CSMD3: variants seen among roughly 807,000 people sequenced by gnomAD.
CSMD3 encodes the protein CUB and Sushi multiple domains 3.
CSMD3 carries 177 observed loss-of-function variants against 435.2 expected under a neutral mutation model. That is an observed-to-expected ratio of 0.41 (90% confidence interval 0.36 to 0.46). The LOEUF (loss-of-function observed/expected upper bound fraction) is 0.46, where lower values mean the gene tolerates loss of function less well. CSMD3 is among the 20% of genes least tolerant of loss of function. The pLI is 0.34. For missense variants in CSMD3, 4,265 were observed against 4,504.6 expected (o/e 0.95, Z 1.52); for synonymous variants, 1,656 against 1,520.5 (o/e 1.09, Z -2.07).
chr8:112,697,974 G>A (rs1173626902), intron 13 of CSMD3, among the ~76,000 whole-genome samples: 1 of 152,066 alleles, frequency 6.6e-6, no homozygotes, highest in Admixed American at 6.6e-5. Flanking sequence ...AAGGTATAAA[G>A]CCTTTTTCTT....
intron 3 of CSMD3, among the ~76,000 whole-genome samples, chr8:113,231,840 C>G (rs1292785025): frequency 1.3e-5 from 2 of 151,354 alleles, no homozygotes; most frequent in Admixed American, 6.6e-5. Flanking sequence ...AGTGAATGAT[C>G]ATTTAGTCAT....
At chr8:112,587,026 TA>T (rs1232565117) in intron 23 of CSMD3, 39 bp downstream of exon 23, 2 of 1,467,638 alleles carry the variant, frequency 1.4e-6, no homozygotes, top group Non-Finnish European at 1.9e-6. Flanking sequence ...ATTTAATGAC[TA>T]AAAATGAACA....
At chr8:112,578,293 G>A (rs1368383959) in intron 23 of CSMD3, among the ~76,000 whole-genome samples, 1 of 151,936 alleles carries the variant, frequency 6.6e-6, no homozygotes, top group Non-Finnish European at 1.5e-5. Context: ...GAAGGAGAAG[G>A]GGCACAACGA....
At chr8:113,220,980 TAAAAGAGCAAGGA>T in intron 3 of CSMD3, among the ~76,000 whole-genome samples, 1 of 151,308 alleles carries the variant, frequency 6.6e-6, no homozygotes, top group Non-Finnish European at 1.5e-5. Flanking sequence ...TATATTCTTT[TAAAAGAGCAAGGA>T]ATAAGAGAAG....
intron 13 of CSMD3, among the ~76,000 whole-genome samples, chr8:112,747,392 A>C (rs1197841480): frequency 6.6e-6 from 1 of 151,288 alleles, no homozygotes; most frequent in East Asian, 1.9e-4. Context: ...CAATCCAACC[A>C]CTGTAAAAGG....
At position 112,363,659 on chromosome 8, in the gene CSMD3, T is replaced by C. The variant is rs1827477424; in HGVS notation, c.6137-11125A>G. Among the ~76,000 whole-genome samples the C allele has an allele frequency of 3.3e-5, 5 of 151,826 alleles. No individual in the cohort carries two copies. The South Asian group carries it at 8.3e-4, about 25-fold the overall frequency. ...AGAAACCTAGATTAGGCTAAAACTA[T>C]CTCTACGTCATCATCACAAAGGGGT... On this transcript the variant is annotated intron_variant, in intron 38 of 70. Coordinates refer to ENST00000297405, the MANE Select transcript of CSMD3 (RefSeq NM_198123.2).
At chr8:112,307,778 A>G (rs1181793142) in intron 50 of CSMD3, among the ~76,000 whole-genome samples, 1 of 152,232 alleles carries the variant, frequency 6.6e-6, no homozygotes, top group Non-Finnish European at 1.5e-5. Flanking sequence ...TACACGTTTC[A>G]TACAAAGAAT....
At chr8:113,065,786 C>G (rs2088829455) in intron 5 of CSMD3, among the ~76,000 whole-genome samples, 1 of 152,060 alleles carries the variant, frequency 6.6e-6, no homozygotes, top group African/African-American at 2.4e-5. Flanking sequence ...GGCATCACAG[C>G]ATTAGTAGCT....
chr8:112,811,581 G>A (rs2079229943), intron 12 of CSMD3, among the ~76,000 whole-genome samples: 1 of 152,076 alleles, frequency 6.6e-6, no homozygotes, highest in African/African-American at 2.4e-5. Flanking sequence ...AGATAGAAGT[G>A]TATATTTTTC....
At chr8:112,638,172 T>C (rs1246201440) in intron 21 of CSMD3, among the ~76,000 whole-genome samples, 3 of 143,428 alleles carry the variant, frequency 2.1e-5, no homozygotes, top group Admixed American at 1.4e-4. Flanking sequence ...AATTCCAGAA[T>C]AATAAATTAC....
chr8:112,797,440 A>T (rs2078855624), intron 13 of CSMD3, among the ~76,000 whole-genome samples: 1 of 151,958 alleles, frequency 6.6e-6, no homozygotes, highest in Non-Finnish European at 1.5e-5. Context: ...AGTAAAACAC[A>T]ATTTAGGAAT....
intron 63 of CSMD3, 138 bp from the exon 64 acceptor site, chr8:112,247,269 T>A: frequency 1.5e-6 from 1 of 657,136 alleles, no homozygotes; most frequent in Non-Finnish European, 2.7e-6. Context: ...TGAAATCTGA[T>A]TTAAAATAAA....
intron 27 of CSMD3, among the ~76,000 whole-genome samples, chr8:112,525,731 C>A (rs1040886388): frequency 7.1e-6 from 1 of 141,122 alleles, no homozygotes; most frequent in Non-Finnish European, 1.5e-5. Flanking sequence ...CCCAAAAAAA[C>A]CCCAAAAACC....
intron 32 of CSMD3, among the ~76,000 whole-genome samples, chr8:112,463,055 C>T (rs1684067648): frequency 6.6e-6 from 1 of 152,138 alleles, no homozygotes; most frequent in African/African-American, 2.4e-5. Context: ...TGTGTGGTAT[C>T]AGTCTTGAAA....
At chr8:113,081,855 G>A (rs1035950250) in intron 5 of CSMD3, among the ~76,000 whole-genome samples, 1 of 151,984 alleles carries the variant, frequency 6.6e-6, no homozygotes, top group Admixed American at 6.6e-5. Flanking sequence ...AGCACAACAG[G>A]GTGGCTCACC....
chr8:112,927,402 AG>A (rs2082945539), intron 9 of CSMD3, among the ~76,000 whole-genome samples: 1 of 152,066 alleles, frequency 6.6e-6, no homozygotes, highest in Non-Finnish European at 1.5e-5. Context: ...CTCCTTATAG[AG>A]GGGTCATTCC....
chr8:112,405,240 T>C (rs1219332653), intron 35 of CSMD3, among the ~76,000 whole-genome samples: 5 of 105,124 alleles, frequency 4.8e-5, no homozygotes, highest in African/African-American at 2.1e-4. Context: ...TATATATATA[T>C]ATATATACAT....
At chr8:113,060,593 G>A (rs925127516) in intron 5 of CSMD3, among the ~76,000 whole-genome samples, 1 of 151,974 alleles carries the variant, frequency 6.6e-6, no homozygotes, top group African/African-American at 2.4e-5. Flanking sequence ...TATATTTGTT[G>A]CTTATTTAAA....
intron 38 of CSMD3, among the ~76,000 whole-genome samples, chr8:112,363,286 T>C (rs894387550): frequency 1.3e-5 from 2 of 152,046 alleles, no homozygotes; most frequent in Non-Finnish European, 2.9e-5. Flanking sequence ...ATGTTAACTA[T>C]TGTTGAAGTG....
Sources: gnomAD v4.1 joint callset for allele counts (sites outside exome capture counted in the v4.1 genomes callset) on GRCh38, gnomAD v4.1.1 for gene constraint, MANE v1.5 for transcripts, NCBI Gene and HGNC (gene_info 2026-07-23, HGNC 2026-07-21) for gene names.